Variants in NIPBL observed in about 807,000 individuals in gnomAD.
The protein encoded by NIPBL is nipped-B-like protein.
NIPBL carries 19 observed loss-of-function variants against 321.8 expected under a neutral mutation model. That is an observed-to-expected ratio of 0.06 (90% CI 0.04 to 0.09). The LOEUF (loss-of-function observed/expected upper bound fraction) is 0.09, where lower values mean the gene tolerates loss of function less well. Among genes scored for constraint, NIPBL ranks in the 10% least tolerant of loss-of-function variants. The pLI is 1.00. For synonymous variants in NIPBL, 1,106 were observed against 1,114.1 expected (o/e 0.99, Z 0.14); for missense variants, 2,210 against 3,327.0 (o/e 0.66, Z 8.26).
chr5:36,987,381 A>G (rs1390904890), intron 10 of NIPBL, among the ~76,000 whole-genome samples: 1 of 152,234 alleles, frequency 6.6e-6, no homozygotes, highest in Non-Finnish European at 1.5e-5. Flanking sequence ...TTGGAAGTTC[A>G]TTTCATTAGT....
chr5:36,997,397 T>G (rs1278257679), intron 11 of NIPBL, among the ~76,000 whole-genome samples: 1 of 152,158 alleles, frequency 6.6e-6, no homozygotes, highest in African/African-American at 2.4e-5. Flanking sequence ...ATCAAAAATT[T>G]CCACCAAGTG....
At chr5:37,026,876 A>G (rs574546711) in intron 31 of NIPBL, among the ~76,000 whole-genome samples, 114 of 150,960 alleles carry the variant, frequency 7.6e-4, no homozygotes, top group African/African-American at 2.6e-3. Context: ...TAGGCACTAC[A>G]CTCCAGCCTG....
chr5:36,930,086 A>G (rs1749667498), intron 1 of NIPBL, among the ~76,000 whole-genome samples: 1 of 148,024 alleles, frequency 6.8e-6, no homozygotes, highest in African/African-American at 2.4e-5. Context: ...CTATAAAGTT[A>G]GGATCAGCTT....
At chr5:36,901,757 C>T (rs181691704) in intron 1 of NIPBL, among the ~76,000 whole-genome samples, 1 of 152,076 alleles carries the variant, frequency 6.6e-6, no homozygotes, top group East Asian at 1.9e-4. Context: ...GATCCACCCC[C>T]CTCTGCCTCC....
chr5:36,887,108 C>T (rs570690264), intron 1 of NIPBL, among the ~76,000 whole-genome samples: 100 of 152,192 alleles, frequency 6.6e-4, no homozygotes, highest in African/African-American at 2.4e-3. Flanking sequence ...CCAAATTTTA[C>T]TTACCTGTTT....
chr5:36,894,436 T>A (rs1746577273), intron 1 of NIPBL, among the ~76,000 whole-genome samples: 1 of 152,202 alleles, frequency 6.6e-6, no homozygotes, highest in Non-Finnish European at 1.5e-5. Context: ...TACTGTCATG[T>A]ATGTACTTTC....
chr5:36,989,018 T>G (rs1318488806), intron 10 of NIPBL, among the ~76,000 whole-genome samples: 1 of 152,198 alleles, frequency 6.6e-6, no homozygotes, highest in African/African-American at 2.4e-5. Context: ...AAATACTTCA[T>G]ACATAATAAA....
intron 10 of NIPBL, among the ~76,000 whole-genome samples, chr5:36,993,069 A>G (rs1745733704): frequency 6.6e-6 from 1 of 152,086 alleles, no homozygotes; most frequent in Non-Finnish European, 1.5e-5. Context: ...GTAATCAAGC[A>G]ACCTGGCGGA....
intron 1 of NIPBL, among the ~76,000 whole-genome samples, chr5:36,918,535 G>T (rs1748663231): frequency 6.6e-6 from 1 of 151,962 alleles, no homozygotes; most frequent in Non-Finnish European, 1.5e-5. Flanking sequence ...CTGCCTGATT[G>T]CCCTGGCCAG....
intron 34 of NIPBL, among the ~76,000 whole-genome samples, chr5:37,043,335 C>T (rs1023198755): frequency 2.8e-4 from 43 of 152,108 alleles, no homozygotes; most frequent in African/African-American, 9.7e-4. Context: ...CTAGACCAGC[C>T]TGGCCAAGAT....
At chr5:36,955,340 A>C (rs1274730795) in intron 2 of NIPBL, 132 bp from the exon 3 acceptor site, 2 of 754,264 alleles carry the variant, frequency 2.7e-6, no homozygotes, top group Non-Finnish European at 4.5e-6. Context: ...TTTGTTAGGA[A>C]GAGGAGGAAT....
rs1198948399 is a variant in NIPBL at position 36,985,167 on chromosome 5, C to G, written c.1987C>G (p.Gln663Glu). Reference protein sequence around the residue: ...QNESRTTECKQNESTIVEPKQ... With the variant: ...QNESRTTECKENESTIVEPKQ... ...TGAGAGCAGAACAACTGAATGCAAA[C>G]AAAACGAGAGCACCATAGTTGAGCC... Residue 663 changes from glutamine (Q) to glutamate (E), a missense_variant, in exon 10 of 47, where the codon CAA becomes GAA. Physicochemically the swap from Gln to Glu is conservative, Grantham distance 29. Around this residue, in one of 14 missense-constraint regions of NIPBL, gnomAD observed 588 missense variants for 564.1 expected, o/e 1.04. Transcript: ENST00000282516. The G allele has an allele frequency of 1.2e-6, 2 of 1,613,834 alleles. No homozygotes were observed. The highest frequency in any genetic ancestry group is 2.2e-5 in the East Asian group (1 of 44,876).
intron 22 of NIPBL, 41 bp downstream of exon 22, chr5:37,014,806 G>A (rs1554023638): frequency 8.6e-7 from 1 of 1,163,030 alleles, no homozygotes; most frequent in South Asian, 1.2e-5. Context: ...CTTTTCCACA[G>A]TATAGAGAAT....
At chr5:36,948,998 T>C (rs1248194811) in intron 1 of NIPBL, among the ~76,000 whole-genome samples, 1 of 151,832 alleles carries the variant, frequency 6.6e-6, no homozygotes, top group Non-Finnish European at 1.5e-5. Context: ...TAAGATAATA[T>C]ACATGGCAAA....
chr5:36,913,644 A>T (rs1007234110), intron 1 of NIPBL, among the ~76,000 whole-genome samples: 1 of 152,102 alleles, frequency 6.6e-6, no homozygotes, highest in Non-Finnish European at 1.5e-5. Context: ...AAGTGCTGGA[A>T]TTTCAGGTGT....
chr5:37,063,009 T>C (rs1286008696), intron 45 of NIPBL, among the ~76,000 whole-genome samples: 2 of 152,182 alleles, frequency 1.3e-5, no homozygotes, highest in Non-Finnish European at 2.9e-5. Flanking sequence ...AAAATGTTTT[T>C]GAAATTAGAG....
chr5:37,044,202 T>C (rs1752742713), intron 34 of NIPBL, 145 bp from the exon 35 acceptor site: 5 of 703,834 alleles, frequency 7.1e-6, no homozygotes, highest in Non-Finnish European at 1.2e-5. Context: ...CTTCCATACC[T>C]TGAAAAAAAA....
At chr5:37,022,203 A>G (rs937581890) in intron 28 of NIPBL, 41 bp from the exon 29 acceptor site, 11 of 1,613,176 alleles carry the variant, frequency 6.8e-6, no homozygotes, top group African/African-American at 1.3e-5. Context: ...TATTCACTCT[A>G]TTTAGGTATA....
intron 40 of NIPBL, among the ~76,000 whole-genome samples, chr5:37,049,745 G>A (rs955364543): frequency 2.6e-5 from 4 of 151,976 alleles, no homozygotes; most frequent in South Asian, 2.1e-4. Flanking sequence ...CCAACTACTC[G>A]ACACCTCATA....
Sources: allele counts gnomAD v4.1 joint callset (sites outside exome capture counted in the v4.1 genomes callset), GRCh38; gene constraint gnomAD v4.1.1; regional missense constraint gnomAD v4.1.1; transcripts MANE v1.5; gene names NCBI Gene and HGNC (gene_info 2026-07-23, HGNC 2026-07-21).